Variants in DYNC2I1 observed in about 807,000 individuals in gnomAD.
DYNC2I1 encodes the protein cytoplasmic dynein 2 intermediate chain 1.
DYNC2I1 carries 89 observed loss-of-function variants against 133.4 expected under a neutral mutation model. The ratio of observed to expected loss-of-function variants is 0.67; its 90% CI spans 0.56 to 0.80. DYNC2I1 has a LOEUF of 0.80. Ranked by LOEUF, DYNC2I1 falls within the 30% of genes least tolerant of loss-of-function variation. The pLI, the probability that DYNC2I1 is intolerant of heterozygous loss-of-function variation, is 0.00. For synonymous variants in DYNC2I1, 504 were observed against 484.3 expected (o/e 1.04, Z -0.54); for missense variants, 1,291 against 1,314.5 (o/e 0.98, Z 0.28).
chr7:158,841,196 TATATATATATATATA>T, the DYNC2I1 span, among the ~76,000 whole-genome samples: 1 of 79,820 alleles, frequency 1.3e-5, no homozygotes, highest in African/African-American at 6.9e-5. Flanking sequence ...TATATATATA[TATATATATATATATA>T]TATATATATA....
downstream of DYNC2I1, among the ~76,000 whole-genome samples, chr7:158,947,715 C>G (rs1487338459): frequency 6.6e-6 from 1 of 152,226 alleles, no homozygotes; most frequent in African/African-American, 2.4e-5. Context: ...GCTGGGGGCT[C>G]ACTCCCCCCT....
chr7:158,868,921 A>T (rs75732533), intron 1 of DYNC2I1, among the ~76,000 whole-genome samples: 4,590 of 152,308 alleles, frequency 0.03, 99 homozygotes, highest in Non-Finnish European at 0.043. Flanking sequence ...TATGCACCAG[A>T]TGCTAAACTC....
upstream of DYNC2I1, among the ~76,000 whole-genome samples, chr7:158,851,577 A>G (rs1241465984): frequency 2.6e-5 from 4 of 152,232 alleles, no homozygotes; most frequent in Admixed American, 2.6e-4. Flanking sequence ...CAACTTAAGA[A>G]GAGTGTATAT....
chr7:158,906,098 G>A lies in DYNC2I1; in HGVS notation c.1460+7G>A, dbSNP rs1273149968. 1.9e-6 allele frequency: 3 copies of A among 1,611,370 alleles called. No individual in the cohort carries two copies. The highest frequency in any genetic ancestry group is 2.2e-5 in the East Asian group (1 of 44,870). On this transcript the variant is annotated splice_region_variant and intron_variant, in intron 11 of 24. Coordinates refer to ENST00000407559, the MANE Select transcript of DYNC2I1 (RefSeq NM_018051.5). ...CTCAGGCCCTTAAGCAAAAGTAGGT[G>A]TATTGGGAAAGCAGCCAAAGGTGTT...
chr7:158,956,130 G>A (rs1438127764), intron 4 of DYNC2I1, among the ~76,000 whole-genome samples: 1 of 152,226 alleles, frequency 6.6e-6, no homozygotes, highest in Non-Finnish European at 1.5e-5. Flanking sequence ...CCGGGAGGCG[G>A]CCAGAAGTGG....
At chr7:158,857,282 A>G (rs982987565) in intron 1 of DYNC2I1, among the ~76,000 whole-genome samples, 2 of 152,306 alleles carry the variant, frequency 1.3e-5, no homozygotes, top group African/African-American at 4.8e-5. Flanking sequence ...TAGCAACATT[A>G]TAGGGTGTTT....
the DYNC2I1 span, among the ~76,000 whole-genome samples, chr7:158,841,204 TATATA>T: frequency 1.9e-5 from 1 of 52,752 alleles, no homozygotes; most frequent in Non-Finnish European, 4.0e-5. Flanking sequence ...TATATATATA[TATATA>T]TATATATATA....
At chr7:158,923,222 G>C (rs1849267034) in intron 16 of DYNC2I1, among the ~76,000 whole-genome samples, 1 of 152,208 alleles carries the variant, frequency 6.6e-6, no homozygotes, top group Non-Finnish European at 1.5e-5. Context: ...TGTAATACAA[G>C]ATGTAAATAA....
downstream of DYNC2I1, among the ~76,000 whole-genome samples, chr7:158,950,947 C>CTA (rs1389846283): frequency 6.6e-6 from 1 of 152,118 alleles, no homozygotes; most frequent in Non-Finnish European, 1.5e-5. Context: ...GGACCAGCCT[C>CTA]TATATGATTC....
At chr7:158,876,512 A>G in intron 3 of DYNC2I1, 97 bp from the exon 4 acceptor site, 3 of 1,399,264 alleles carry the variant, frequency 2.1e-6, no homozygotes, top group Admixed American at 6.8e-5. Context: ...ATATTAACGA[A>G]TATAAAATGT....
In DYNC2I1 at chr7:158,856,993, C is replaced by T. The variant is rs942894658; in HGVS notation, c.15+243C>T. Among the ~76,000 whole-genome samples the T allele has an allele frequency of 4.6e-5, 7 of 152,152 alleles. No individual in the cohort carries two copies. In the East Asian group the frequency reaches 1.2e-3, roughly 25 times the overall value. ...TCGGGAGAGGCGGTCTGTGCAGCCT[C>T]AGGCCTGGGGTCGCCGCCGCGGCCC... On this transcript the variant is annotated intron_variant, in intron 1 of 24. Coordinates refer to ENST00000407559, the MANE Select transcript of DYNC2I1 (RefSeq NM_018051.5).
At chr7:158,898,607 T>C (rs1845951795) in intron 8 of DYNC2I1, among the ~76,000 whole-genome samples, 1 of 152,224 alleles carries the variant, frequency 6.6e-6, no homozygotes. Context: ...TTGGGTTTCC[T>C]GAAGACAATA....
chr7:158,870,525 T>A (rs562693885), intron 2 of DYNC2I1, among the ~76,000 whole-genome samples: 25 of 150,890 alleles, frequency 1.7e-4, no homozygotes, highest in African/African-American at 5.4e-4. Context: ...GCTAATTTTT[T>A]AATTTTTTAA....
intron 8 of DYNC2I1, among the ~76,000 whole-genome samples, chr7:158,894,811 A>G (rs1219627493): frequency 1.3e-5 from 2 of 152,204 alleles, no homozygotes; most frequent in African/African-American, 4.8e-5. Context: ...TTCCCCAGCA[A>G]TGAATGTGAG....
At chr7:158,889,833 C>T (rs1249325851) in intron 7 of DYNC2I1, among the ~76,000 whole-genome samples, 7 of 151,342 alleles carry the variant, frequency 4.6e-5, no homozygotes, top group South Asian at 2.1e-4. Flanking sequence ...GTGAAACTCC[C>T]GTCTCTACTC....
At chr7:158,905,054 C>G (rs1162301981) in intron 10 of DYNC2I1, 1 of 392,064 alleles carries the variant, frequency 2.6e-6, no homozygotes, top group Non-Finnish European at 4.9e-6. Context: ...CACCGAAATC[C>G]TTAGGGGGAA....
chr7:158,913,235 C>T, intron 13 of DYNC2I1, 139 bp downstream of exon 13: 1 of 613,830 alleles, frequency 1.6e-6, no homozygotes, highest in South Asian at 2.4e-5. Context: ...AATAGCAGTA[C>T]CCAATTTTCT....
chr7:158,907,312 G>A (rs1319139413), intron 11 of DYNC2I1, among the ~76,000 whole-genome samples: 1 of 113,588 alleles, frequency 8.8e-6, no homozygotes, highest in Non-Finnish European at 1.7e-5. Flanking sequence ...CCTGATTCAA[G>A]TTCTCAGAAA....
At chr7:158,874,925 A>G (rs1021447417) in intron 3 of DYNC2I1, among the ~76,000 whole-genome samples, 1 of 152,076 alleles carries the variant, frequency 6.6e-6, no homozygotes, top group Non-Finnish European at 1.5e-5. Context: ...TAGCACCTGC[A>G]TCCTCGCGTC....
Sources: gnomAD v4.1 joint callset for allele counts (sites outside exome capture counted in the v4.1 genomes callset) on GRCh38, gnomAD v4.1.1 for gene constraint, MANE v1.5 for transcripts, NCBI Gene and HGNC (gene_info 2026-07-23, HGNC 2026-07-21) for gene names.